AVL9: variants seen among roughly 807,000 people sequenced by gnomAD.
AVL9 encodes the protein late secretory pathway protein AVL9 homolog.
In AVL9, 49 loss-of-function variants were observed where a neutral mutation model predicts 79.2. That is an observed-to-expected ratio of 0.62 (90% CI 0.49 to 0.79). The LOEUF (loss-of-function observed/expected upper bound fraction) is 0.79. Among genes scored for constraint, AVL9 ranks in the 30% least tolerant of loss-of-function variants. AVL9 has a pLI of 0.00. For missense variants in AVL9, 682 were observed against 776.8 expected (o/e 0.88, Z 1.45); for synonymous variants, 299 against 280.6 (o/e 1.07, Z -0.65).
intron 14 of AVL9, 51 bp downstream of exon 14, chr7:32,580,323 C>A: frequency 7.2e-7 from 1 of 1,381,498 alleles, no homozygotes; most frequent in African/African-American, 1.4e-5. Context: ...GAATTTATGC[C>A]ATGTGTTTCA....
intron 5 of AVL9, among the ~76,000 whole-genome samples, chr7:32,551,664 G>T (rs1583563423): frequency 1.8e-5 from 2 of 112,158 alleles, no homozygotes. Context: ...TAACAGTAAT[G>T]TTTCTCTTAG....
chr7:32,528,362 T>C (rs376854808), intron 1 of AVL9, among the ~76,000 whole-genome samples: 22 of 152,368 alleles, frequency 1.4e-4, no homozygotes, highest in African/African-American at 5.3e-4. Flanking sequence ...GGGTGCATCC[T>C]TAACCTTGCA....
intron 1 of AVL9, among the ~76,000 whole-genome samples, chr7:32,517,468 G>T (rs1441245266): frequency 6.6e-6 from 1 of 151,930 alleles, no homozygotes; most frequent in Non-Finnish European, 1.5e-5. Flanking sequence ...ACTGTGCCTG[G>T]ATAATTTTTG....
Position 32,579,541 on chromosome 7 carries a change from T to C in AVL9, c.1689-678T>C, listed in dbSNP as rs1200074064. The stretch of plus-strand genomic sequence containing the variant: ...ATTATATATTATATATTATATTATA[T>C]ATTATATATTATATATTATATTATA... On this transcript the variant is annotated intron_variant, in intron 13 of 15. Transcript: ENST00000318709. 7.4e-3 allele frequency among the ~76,000 whole-genome samples: 43 copies of C among 5,834 alleles called. 8 individuals carry two copies. Among genetic ancestry groups the C allele is most frequent in the African/African-American group, 0.032 (40 of 1,256 alleles). 3.8% of individuals were successfully genotyped at this position (5,834 alleles called of 152,430 possible). A position where few individuals can be genotyped will look rare whatever the true frequency, so the allele number is the denominator to read the frequency against.
chr7:32,506,675 G>T (rs1016203613), intron 1 of AVL9, among the ~76,000 whole-genome samples: 1 of 151,980 alleles, frequency 6.6e-6, no homozygotes, highest in African/African-American at 2.4e-5. Context: ...CACTTCGGGA[G>T]GCCAAACGGG....
At chr7:32,532,100 C>T (rs1049703789) in intron 1 of AVL9, 1 of 152,164 alleles carries the variant, frequency 6.6e-6, no homozygotes, top group Non-Finnish European at 1.5e-5. Context: ...GAAAGTGGCT[C>T]TCAGTGGAAA....
rs181141676 is a variant in AVL9 at position 32,546,413 on chromosome 7, C to A, written c.300+1634C>A. Among the ~76,000 whole-genome samples, 410 of 152,164 alleles carry A rather than the reference C, an allele frequency of 2.7e-3. 7 individuals are homozygous for A. The South Asian group carries it at 0.046, about 17-fold the overall frequency. ...GCACAGGGCCTGGAACCTGGAACAC[C>A]CATGTTATGTCATGAATAACTGAAT... On this transcript the variant is annotated intron_variant, in intron 3 of 15. Coordinates refer to ENST00000318709, the MANE Select transcript of AVL9 (RefSeq NM_015060.3).
Position 32,503,319 on chromosome 7 carries a change from G to GATATAT in AVL9, c.93+7526_93+7531dup, listed in dbSNP as rs371363185. On this transcript the variant is annotated intron_variant, in intron 1 of 15. Coordinates refer to ENST00000318709, the MANE Select transcript of AVL9 (RefSeq NM_015060.3). ...GGTGAAACCCCCATCTCTACTAAAAGATATATATATATATCTATATATATA... is the reference window on the plus strand; with the variant it reads ...GGTGAAACCCCCATCTCTACTAAAAGATATATATATATATATATATCTATATATATA... Among the ~76,000 whole-genome samples, 485 of 120,626 alleles carry GATATAT rather than the reference G, an allele frequency of 4.0e-3. 8 individuals carry two copies. The highest frequency in any genetic ancestry group is 0.012 in the African/African-American group (353 of 30,622). 79.1% of individuals were successfully genotyped at this position (120,626 alleles called of 152,430 possible).
intron 10 of AVL9, among the ~76,000 whole-genome samples, chr7:32,565,301 T>C (rs1444202992): frequency 1.3e-5 from 2 of 152,244 alleles, no homozygotes; most frequent in Non-Finnish European, 2.9e-5. Context: ...GGCTCACGCC[T>C]GTAATCCGAG....
At chr7:32,575,841 C>A in intron 12 of AVL9, 114 bp from the exon 13 acceptor site, 1 of 703,288 alleles carries the variant, frequency 1.4e-6, no homozygotes, top group Non-Finnish European at 2.4e-6. Context: ...TATCTCCCCA[C>A]AAATATGGGA....
At chr7:32,522,340 C>A (rs1788197509) in intron 1 of AVL9, among the ~76,000 whole-genome samples, 1 of 152,148 alleles carries the variant, frequency 6.6e-6, no homozygotes, top group Non-Finnish European at 1.5e-5. Context: ...GCAGAGCTAC[C>A]CAAGACCATG....
intron 13 of AVL9, among the ~76,000 whole-genome samples, chr7:32,579,893 G>A (rs1583611569): frequency 6.6e-6 from 1 of 151,702 alleles, no homozygotes; most frequent in South Asian, 2.1e-4. Context: ...TGTAAAAAAT[G>A]TGTTGATGTT....
intron 3 of AVL9, among the ~76,000 whole-genome samples, chr7:32,545,240 T>G (rs539917980): frequency 6.6e-6 from 1 of 152,032 alleles, no homozygotes; most frequent in South Asian, 2.1e-4. Context: ...GCTGAGTAGC[T>G]GGGACTACAG....
Position 32,554,413 on chromosome 7 carries a change from C to A in AVL9, c.571-145C>A, listed in dbSNP as rs982001716. ...AGAGTACACAGGTAATATTTAACTT[C>A]TCAGTATAAGTTCATAATTTTTCAT... On this transcript the variant is annotated intron_variant, in intron 7 of 15. Transcript: ENST00000318709. 9.6e-6 allele frequency: 4 copies of A among 417,608 alleles called. No individual in the cohort carries two copies. The South Asian group carries it at 2.9e-4, about 31-fold the overall frequency. The allele number at this position is 417,608 out of a possible 1,614,324, so 25.9% of individuals were successfully genotyped here.
chr7:32,503,746 G>A (rs536843489), intron 1 of AVL9, among the ~76,000 whole-genome samples: 20 of 151,490 alleles, frequency 1.3e-4, no homozygotes, highest in African/African-American at 4.1e-4. Flanking sequence ...GCAGTAAAAT[G>A]ATCTTCGTTC....
At chr7:32,528,900 G>A (rs1431323243) in intron 1 of AVL9, among the ~76,000 whole-genome samples, 3 of 151,832 alleles carry the variant, frequency 2.0e-5, no homozygotes, top group Non-Finnish European at 4.4e-5. Context: ...GTCCCAGCTA[G>A]TCGGGAGGCT....
rs576833948 is a variant in AVL9 at position 32,512,274 on chromosome 7, A to C, written c.93+16472A>C. Among the ~76,000 whole-genome samples, 11 of 152,358 alleles carry C rather than the reference A, an allele frequency of 7.2e-5. No individual in the cohort carries two copies. In the South Asian group the frequency reaches 2.3e-3, roughly 32 times the overall value. On this transcript the variant is annotated intron_variant, in intron 1 of 15. Coordinates refer to ENST00000318709, the MANE Select transcript of AVL9 (RefSeq NM_015060.3). ...GCAGGGGCTTGGGGCCTAGGAGAGC[A>C]GTTCTGAAGCAGGAATTGGGAAAAT...
Position 32,511,909 on chromosome 7 carries a change from C to A in AVL9, c.93+16107C>A, listed in dbSNP as rs558373177. ...TCCAAATGAGTGCTGTAGTAACTCA[C>A]TTGTCCAAACGAGTCAGAATGAATA... On this transcript the variant is annotated intron_variant, in intron 1 of 15. Coordinates refer to ENST00000318709, the MANE Select transcript of AVL9 (RefSeq NM_015060.3). Among the ~76,000 whole-genome samples, 6 of 152,316 alleles carry A rather than the reference C, an allele frequency of 3.9e-5. No homozygotes were observed. The South Asian group carries it at 1.2e-3, about 32-fold the overall frequency.
intron 1 of AVL9, among the ~76,000 whole-genome samples, chr7:32,528,661 A>G (rs1788507358): frequency 6.6e-6 from 1 of 152,116 alleles, no homozygotes; most frequent in African/African-American, 2.4e-5. Context: ...CTGCTTCTGG[A>G]TTAGATATCT....
Sources: gnomAD v4.1 joint callset for allele counts (sites outside exome capture counted in the v4.1 genomes callset) on GRCh38, gnomAD v4.1.1 for gene constraint, MANE v1.5 for transcripts, NCBI Gene and HGNC (gene_info 2026-07-23, HGNC 2026-07-21) for gene names.